Variants in GNAQ observed in about 807,000 individuals in gnomAD.
The protein encoded by GNAQ is G protein subunit alpha q, also known as guanine nucleotide-binding protein G(q) subunit alpha.
Under a neutral mutation model 43.9 loss-of-function variants are expected in GNAQ, and 8 were observed. That is an observed-to-expected ratio of 0.18 (90% confidence interval 0.11 to 0.33). The LOEUF is 0.33. Ranked by LOEUF, GNAQ falls within the 10% of genes least tolerant of loss-of-function variation. The pLI is 1.00. For missense variants in GNAQ, 158 were observed against 450.8 expected (o/e 0.35, Z 5.88); for synonymous variants, 155 against 170.7 (o/e 0.91, Z 0.71).
At chr9:77,862,352 C>T (rs963592663) in intron 2 of GNAQ, among the ~76,000 whole-genome samples, 30 of 152,284 alleles carry the variant, frequency 2.0e-4, no homozygotes, top group Non-Finnish European at 3.7e-4. Flanking sequence ...ATTTCTGCCT[C>T]GGCATTCAGG....
chr9:77,780,457 A>G (rs199993741), intron 5 of GNAQ, among the ~76,000 whole-genome samples: 1 of 117,964 alleles, frequency 8.5e-6, no homozygotes, highest in African/African-American at 3.3e-5. Context: ...TTTTTTTTTT[A>G]TGGCTGGACG....
intron 5 of GNAQ, among the ~76,000 whole-genome samples, chr9:77,764,270 A>G (rs1199900467): frequency 6.6e-6 from 1 of 152,184 alleles, no homozygotes; most frequent in African/African-American, 2.4e-5. Context: ...TAAAGGCACC[A>G]AATCACAGAT....
At chr9:77,856,504 T>C (rs187035115) in intron 2 of GNAQ, among the ~76,000 whole-genome samples, 1 of 152,280 alleles carries the variant, frequency 6.6e-6, no homozygotes. Flanking sequence ...GTGAATAATA[T>C]CAGTATTTCA....
intron 1 of GNAQ, among the ~76,000 whole-genome samples, chr9:77,960,493 T>C (rs1823094121): frequency 6.6e-6 from 1 of 152,148 alleles, no homozygotes; most frequent in Non-Finnish European, 1.5e-5. Context: ...AGAAGAGAGA[T>C]CCCGGCTCAA....
chr9:77,823,472 C>T (rs1341697651), intron 2 of GNAQ, among the ~76,000 whole-genome samples: 2 of 152,026 alleles, frequency 1.3e-5, no homozygotes, highest in Non-Finnish European at 2.9e-5. Context: ...AAAAAGGCTA[C>T]CAAAACAGTT....
intron 1 of GNAQ, among the ~76,000 whole-genome samples, chr9:77,928,602 T>A (rs779898234): frequency 2.6e-5 from 4 of 152,224 alleles, no homozygotes; most frequent in Non-Finnish European, 5.9e-5. Flanking sequence ...TACAAGGTTA[T>A]TCAAAGGTAC....
chr9:77,891,265 C>T (rs11145608), intron 2 of GNAQ, among the ~76,000 whole-genome samples: 3,713 of 152,226 alleles, frequency 0.024, 76 homozygotes, highest in Non-Finnish European at 0.039. Context: ...CCCTATCACA[C>T]GTTCTCCTCT....
chr9:77,884,478 C>T (rs909850697), intron 2 of GNAQ, among the ~76,000 whole-genome samples: 5 of 152,148 alleles, frequency 3.3e-5, no homozygotes, highest in Admixed American at 2.6e-4. Context: ...AAACAATGAA[C>T]GAAGCAAGCT....
chr9:77,914,717 A>T (rs760842857), intron 2 of GNAQ, among the ~76,000 whole-genome samples: 3 of 152,072 alleles, frequency 2.0e-5, no homozygotes, highest in Non-Finnish European at 4.4e-5. Context: ...GCAGGAGTAG[A>T]AAGTTTCCCT....
intron 1 of GNAQ, among the ~76,000 whole-genome samples, chr9:77,937,244 A>G (rs1207187592): frequency 6.6e-6 from 1 of 152,100 alleles, no homozygotes; most frequent in East Asian, 1.9e-4. Context: ...GTTCGACACC[A>G]GCCTGGCCAA....
At chr9:78,010,727 C>T (rs182658704) in intron 1 of GNAQ, among the ~76,000 whole-genome samples, 29 of 152,076 alleles carry the variant, frequency 1.9e-4, no homozygotes, top group Admixed American at 7.8e-4. Flanking sequence ...ATAATAGCAA[C>T]GGACCTATCA....
intron 2 of GNAQ, among the ~76,000 whole-genome samples, chr9:77,882,491 T>TTA (rs1408627470): frequency 6.6e-6 from 1 of 152,194 alleles, no homozygotes; most frequent in South Asian, 2.1e-4. Flanking sequence ...GCATCACTGC[T>TTA]TATACTGGTG....
chr9:77,936,761 T>A (rs1829239175), intron 1 of GNAQ, among the ~76,000 whole-genome samples: 1 of 152,202 alleles, frequency 6.6e-6, no homozygotes, highest in East Asian at 1.9e-4. Context: ...AACCAAAAGC[T>A]GTAGCCTAAC....
intron 1 of GNAQ, among the ~76,000 whole-genome samples, chr9:77,933,714 TG>T: frequency 6.6e-6 from 1 of 152,244 alleles, no homozygotes; most frequent in South Asian, 2.1e-4. Context: ...GAACATTATT[TG>T]GGAAGCAGAA....
chr9:77,909,523 C>T (rs1828764122), intron 2 of GNAQ, among the ~76,000 whole-genome samples: 2 of 152,084 alleles, frequency 1.3e-5, no homozygotes, highest in African/African-American at 2.4e-5. Flanking sequence ...AGTTCAAAAC[C>T]GTTATACTTT....
chr9:77,752,086 G>C (rs1457815019), intron 5 of GNAQ, among the ~76,000 whole-genome samples: 1 of 152,128 alleles, frequency 6.6e-6, no homozygotes, highest in Non-Finnish European at 1.5e-5. Context: ...GCAGTGGGAA[G>C]GAAAAATTCA....
At chr9:77,722,791 A>G (rs1249736332) in intron 6 of GNAQ, among the ~76,000 whole-genome samples, 1 of 151,826 alleles carries the variant, frequency 6.6e-6, no homozygotes, top group African/African-American at 2.4e-5. Flanking sequence ...TGAATAGCTG[A>G]AACTATAGGT....
At chr9:77,873,682 G>C (rs1828078504) in intron 2 of GNAQ, among the ~76,000 whole-genome samples, 1 of 152,204 alleles carries the variant, frequency 6.6e-6, no homozygotes, top group Non-Finnish European at 1.5e-5. Context: ...ACTGCTTCTG[G>C]GCCAGGCAAC....
chr9:78,001,184 G>A (rs1177964420), intron 1 of GNAQ, among the ~76,000 whole-genome samples: 1 of 152,100 alleles, frequency 6.6e-6, no homozygotes, highest in African/African-American at 2.4e-5. Flanking sequence ...GATCACTTGA[G>A]GTCAGGAGTT....
Sources: gnomAD v4.1 joint callset for allele counts (sites outside exome capture counted in the v4.1 genomes callset) on GRCh38, gnomAD v4.1.1 for gene constraint, MANE v1.5 for transcripts, NCBI Gene and HGNC (gene_info 2026-07-23, HGNC 2026-07-21) for gene names.